USP34: variants seen among roughly 807,000 people sequenced by gnomAD.
The protein encoded by USP34 is ubiquitin specific peptidase 34.
Under a neutral mutation model 460.3 loss-of-function variants are expected in USP34, and 70 were observed. The observed-to-expected ratio is 0.15, with a 90% CI of 0.13 to 0.19. The LOEUF (loss-of-function observed/expected upper bound fraction) is 0.19. USP34 is among the 10% of genes least tolerant of loss of function. The pLI, the probability that USP34 is intolerant of heterozygous loss-of-function variation, is 1.00. For missense variants in USP34, 3,985 were observed against 4,236.2 expected, an observed-to-expected ratio of 0.94 and a Z score of 1.65; for synonymous variants, 1,647 against 1,405.3, an observed-to-expected ratio of 1.17 and a Z score of -3.85.
chr2:61,415,604 G>A (rs1694171200), intron 2 of USP34, among the ~76,000 whole-genome samples: 2 of 152,160 alleles, frequency 1.3e-5, no homozygotes, highest in South Asian at 4.1e-4. Context: ...CTGTATAGAG[G>A]TTAATATCAA....
At chr2:61,277,201 A>G (rs949194103) in intron 41 of USP34, among the ~76,000 whole-genome samples, 2 of 151,834 alleles carry the variant, frequency 1.3e-5, no homozygotes, top group Non-Finnish European at 2.9e-5. Context: ...AAAATATACA[A>G]TTCTATAGAA....
chr2:61,283,339 T>C (rs1689591016), intron 36 of USP34, 70 bp from the exon 37 acceptor site: 2 of 1,577,466 alleles, frequency 1.3e-6, no homozygotes, highest in Middle Eastern at 1.7e-4. Context: ...TGTTCAATAT[T>C]AAAGGTAAAA....
intron 48 of USP34, among the ~76,000 whole-genome samples, chr2:61,252,074 T>C (rs1356685571): frequency 6.6e-6 from 1 of 152,080 alleles, no homozygotes. Flanking sequence ...GTAAACACCA[T>C]GATAAAGATA....
intron 33 of USP34, among the ~76,000 whole-genome samples, chr2:61,293,119 CAAA>C (rs1041149169): frequency 6.6e-6 from 1 of 151,502 alleles, no homozygotes; most frequent in Non-Finnish European, 1.5e-5. Context: ...CAAAATAAAA[CAAA>C]AAAAGTTTTT....
intron 69 of USP34, among the ~76,000 whole-genome samples, chr2:61,209,831 C>T (rs1010044776): frequency 2.0e-5 from 3 of 152,156 alleles, no homozygotes; most frequent in African/African-American, 7.2e-5. Context: ...GAAGACCTCC[C>T]AAGTGGGACA....
At chr2:61,310,222 T>C (rs117291177) in intron 27 of USP34, among the ~76,000 whole-genome samples, 1 of 152,154 alleles carries the variant, frequency 6.6e-6, no homozygotes, top group Non-Finnish European at 1.5e-5. Flanking sequence ...CCAAAGCAGA[T>C]ACATTTGGAT....
intron 33 of USP34, among the ~76,000 whole-genome samples, chr2:61,290,448 T>C (rs973649014): frequency 2.0e-5 from 3 of 152,130 alleles, no homozygotes; most frequent in African/African-American, 7.2e-5. Context: ...TGTCAATAGG[T>C]GAGCAGATAA....
intron 20 of USP34, among the ~76,000 whole-genome samples, chr2:61,326,203 T>G (rs1691083289): frequency 6.6e-6 from 1 of 151,834 alleles, no homozygotes; most frequent in Non-Finnish European, 1.5e-5. Flanking sequence ...TTTTTAAAAA[T>G]TTGTGTATTT....
intron 15 of USP34, among the ~76,000 whole-genome samples, chr2:61,344,282 A>AT (rs1180432620): frequency 1.2e-4 from 19 of 152,296 alleles, no homozygotes; most frequent in African/African-American, 4.6e-4. Context: ...TCAAAGAACA[A>AT]TTTTAGGCAA....
Position 61,348,820 on chromosome 2 carries a change from A to G in USP34, c.1610T>C (p.Ile537Thr), listed in dbSNP as rs1369720159. The G allele has an allele frequency of 5.6e-6, 9 of 1,613,782 alleles. No homozygotes were observed. In the African/African-American group the frequency reaches 9.3e-5, roughly 17 times the overall value. ...SDTHQSGGSD[I>T]EMDEQLINRT... ...ATTAATAAGTTGCTCATCCATTTCA[A>G]TGTCACTACCTCCACTTTGATGTGT... Residue 537 changes from isoleucine (I) to threonine (T), a missense_variant, in exon 14 of 80, where the codon ATT becomes ACT. Ile to Thr is a moderately conservative substitution (Grantham distance 89, BLOSUM62 -1). Around this residue, in one of 14 missense-constraint regions of USP34, gnomAD observed 716 missense variants for 626.2 expected, o/e 1.14. Transcript: ENST00000398571.
chr2:61,279,075 G>C (rs1689458433), intron 39 of USP34, among the ~76,000 whole-genome samples: 1 of 150,218 alleles, frequency 6.7e-6, no homozygotes, highest in Admixed American at 6.6e-5. Context: ...TCCTATTTTA[G>C]CTCAAATGGG....
intron 48 of USP34, among the ~76,000 whole-genome samples, chr2:61,254,162 T>C (rs928608885): frequency 2.0e-5 from 3 of 152,248 alleles, no homozygotes; most frequent in Admixed American, 1.3e-4. Flanking sequence ...ATGCTTTTAT[T>C]CAGCTGTCAT....
chr2:61,229,472 A>AACC, intron 59 of USP34, 76 bp downstream of exon 59: 2 of 695,030 alleles, frequency 2.9e-6, no homozygotes, highest in Admixed American at 8.9e-5. Context: ...AAAAAAAAAA[A>AACC]AAACAAAAAA....
chr2:61,238,760 G>A (rs540545257), intron 53 of USP34, among the ~76,000 whole-genome samples: 48 of 152,162 alleles, frequency 3.2e-4, no homozygotes, highest in African/African-American at 9.4e-4. Context: ...CTGCAATGAG[G>A]AATTTTCTAA....
At position 61,188,357 on chromosome 2, in the gene USP34, A is replaced by C; in HGVS notation, c.10386T>G (p.Ala3462=). Residue 3462 remains alanine, a synonymous_variant, in exon 80 of 80, where the codon GCT becomes GCG. Coordinates refer to ENST00000398571, the MANE Select transcript of USP34 (RefSeq NM_014709.4). Reference sequence around the variant, plus strand: ...TAGAAGGGAACTCAGATTCTTCCTCAGCTAGGGTAGAATCCTTGGAACAGT... The same window carrying C: ...TAGAAGGGAACTCAGATTCTTCCTCCGCTAGGGTAGAATCCTTGGAACAGT... ...DLHCSKDSTL[A]EEESEFPSTS... The C allele has an allele frequency of 6.2e-7, 1 of 1,613,412 alleles. No homozygotes were observed. The highest frequency in any genetic ancestry group is 8.5e-7 in the Non-Finnish European group (1 of 1,179,974).
At chr2:61,243,240 G>A (rs935885358) in intron 51 of USP34, among the ~76,000 whole-genome samples, 5 of 150,822 alleles carry the variant, frequency 3.3e-5, no homozygotes, top group East Asian at 2.0e-4. Context: ...TCCACCTCCC[G>A]GGTTCAAGCG....
At chr2:61,284,485 C>T (rs895237491) in intron 35 of USP34, among the ~76,000 whole-genome samples, 1 of 151,918 alleles carries the variant, frequency 6.6e-6, no homozygotes, top group African/African-American at 2.4e-5. Context: ...ATAAAGAATA[C>T]CAATAGGATT....
intron 8 of USP34, among the ~76,000 whole-genome samples, chr2:61,377,843 T>C (rs545957537): frequency 1.3e-3 from 196 of 152,342 alleles, no homozygotes; most frequent in Non-Finnish European, 2.3e-3. Context: ...TATGCTTTCA[T>C]ACTGTGACAA....
chr2:61,312,733 G>A (rs1035080431), intron 25 of USP34, among the ~76,000 whole-genome samples: 1 of 152,132 alleles, frequency 6.6e-6, no homozygotes, highest in African/African-American at 2.4e-5. Flanking sequence ...TCAGAAGGCA[G>A]AAGAATAGGG....
Sources: gnomAD v4.1 joint callset for allele counts (sites outside exome capture counted in the v4.1 genomes callset) on GRCh38, gnomAD v4.1.1 for gene constraint, gnomAD v4.1.1 regional missense constraint, MANE v1.5 for transcripts, NCBI Gene and HGNC (gene_info 2026-07-23, HGNC 2026-07-21) for gene names.